Variants in LDAH observed in about 807,000 individuals in gnomAD.
The protein encoded by LDAH is lipid droplet associated hydrolase.
Under a neutral mutation model 29.6 loss-of-function variants are expected in LDAH, and 26 were observed. The observed-to-expected ratio is 0.88, with a 90% CI of 0.64 to 1.22. The LOEUF (loss-of-function observed/expected upper bound fraction) is 1.22, where lower values mean the gene tolerates loss of function less well. Ranked by LOEUF, LDAH falls within the 50% of genes most tolerant of loss-of-function variation. The probability of loss-of-function intolerance (pLI) is 0.00; values close to 1 mark genes in which losing one functional copy is unlikely to be tolerated. For synonymous variants in LDAH, 117 were observed against 133.0 expected, an observed-to-expected ratio of 0.88 and a Z score of 0.83; for missense variants, 344 against 387.3, an observed-to-expected ratio of 0.89 and a Z score of 0.94.
intron 1 of LDAH, among the ~76,000 whole-genome samples, chr2:20,821,344 T>C (rs965144333): frequency 3.9e-4 from 59 of 152,136 alleles, no homozygotes; most frequent in African/African-American, 1.2e-3. Context: ...CTACTTACAA[T>C]AGCAAAGACT....
intron 5 of LDAH, among the ~76,000 whole-genome samples, chr2:20,710,438 T>C (rs575521817): frequency 1.3e-4 from 20 of 151,704 alleles, no homozygotes; most frequent in Admixed American, 3.3e-4. Flanking sequence ...AATTTGTAAT[T>C]TAAAATCTCT....
intron 2 of LDAH, among the ~76,000 whole-genome samples, chr2:20,801,070 C>T (rs938334993): frequency 6.6e-6 from 1 of 150,474 alleles, no homozygotes; most frequent in Admixed American, 6.6e-5. Context: ...ATAGTACATA[C>T]TTCCAACTGT....
intron 3 of LDAH, 25 bp downstream of exon 3, chr2:20,790,230 A>G (rs776776661): frequency 6.2e-7 from 1 of 1,612,968 alleles, no homozygotes; most frequent in East Asian, 2.2e-5. Context: ...ACTCTAAAGG[A>G]AAGTAGATAT....
chr2:20,801,325 T>G lies in LDAH; in HGVS notation c.139A>C (p.Ile47Leu), dbSNP rs1298890971. ...TTACGCTCACCAGGAATAATGAAAA[T>G]AAGCAGCTTAGGCCTTTTGACACTT... The part of the protein sequence containing the change: ...DQSVKRPKLL[I>L]FIIPGNPGFS... Residue 47 changes from isoleucine to leucine, a missense_variant, in exon 2 of 7, where the codon ATT (isoleucine) becomes CTT (leucine). By Grantham distance (5) the Ile-to-Leu change is conservative (BLOSUM62 2). Coordinates refer to ENST00000237822, the MANE Select transcript of LDAH (RefSeq NM_021925.4). The G allele has an allele frequency of 6.2e-7, 1 of 1,613,336 alleles. No homozygotes were observed. Among genetic ancestry groups the G allele is most frequent in the African/African-American group, 1.3e-5 (1 of 74,880 alleles).
chr2:20,685,640 T>C lies in LDAH; in HGVS notation c.*1263A>G, dbSNP rs1662506676. On this transcript the variant is annotated 3_prime_UTR_variant, in exon 7 of 7. Transcript: ENST00000237822. ...TCTCATTGTCCTTAGGGAATGATAA[T>C]GCCATGAGGGATTTCCTCTAGGAGA... 1 of 1,550,218 alleles carries C rather than the reference T, an allele frequency of 6.5e-7. No individual in the cohort carries two copies. The highest frequency in any genetic ancestry group is 1.4e-5 in the African/African-American group (1 of 73,042).
chr2:20,695,681 C>T (rs1187032611), intron 6 of LDAH, among the ~76,000 whole-genome samples: 4 of 152,068 alleles, frequency 2.6e-5, no homozygotes, highest in Non-Finnish European at 5.9e-5. Flanking sequence ...AACTCCTGAC[C>T]TCATGATCCA....
At chr2:20,716,342 G>C (rs915169447) in intron 5 of LDAH, among the ~76,000 whole-genome samples, 4 of 152,028 alleles carry the variant, frequency 2.6e-5, no homozygotes, top group African/African-American at 9.7e-5. Context: ...GTCCATCAAT[G>C]ATAGACTAGA....
At chr2:20,694,214 G>C (rs192601805) in intron 6 of LDAH, among the ~76,000 whole-genome samples, 106 of 152,210 alleles carry the variant, frequency 7.0e-4, no homozygotes, top group African/African-American at 2.4e-3. Context: ...TCCCGGGCTC[G>C]GGATATAAAC....
intron 4 of LDAH, among the ~76,000 whole-genome samples, chr2:20,753,476 T>G (rs187188744): frequency 1.3e-4 from 20 of 152,360 alleles, no homozygotes; most frequent in East Asian, 9.6e-4. Flanking sequence ...TATCTGGATT[T>G]TACAACATAC....
In LDAH at chr2:20,801,282, G is replaced by A. The variant is rs554124006; in HGVS notation, c.154+28C>T. The stretch of plus-strand genomic sequence containing the variant: ...ACATAGTTATGAGTATCTACAAAAA[G>A]TCTCCTCACCCAGACTTTTACGCTC... On this transcript the variant is annotated intron_variant, in intron 2 of 6. Transcript: ENST00000237822. The A allele has an allele frequency of 1.9e-6, 3 of 1,595,370 alleles. No individual in the cohort carries two copies. In the African/African-American group the frequency reaches 4.1e-5, roughly 22 times the overall value.
chr2:20,805,113 A>C (rs1217314205), intron 1 of LDAH, among the ~76,000 whole-genome samples: 1 of 152,224 alleles, frequency 6.6e-6, no homozygotes, highest in Admixed American at 6.5e-5. Flanking sequence ...GTTGTTAAAT[A>C]TATTCAAATC....
rs116751704 is a variant in LDAH at position 20,748,332 on chromosome 2, C to T, written c.469-8127G>A. On this transcript the variant is annotated intron_variant, in intron 4 of 6. Coordinates refer to ENST00000237822, the MANE Select transcript of LDAH (RefSeq NM_021925.4). ...TTTAATACTTTTAATCTTCATGTCA[C>T]GGTTGTTAATAATAAGGAATGTTTG... is the stretch of plus-strand genomic sequence containing the variant. Among the ~76,000 whole-genome samples the T allele has an allele frequency of 4.5e-3, 681 of 152,204 alleles. 7 individuals are homozygous for T. Among genetic ancestry groups the T allele is most frequent in the African/African-American group, 0.015 (641 of 41,518 alleles).
At chr2:20,750,072 C>T (rs1416237644) in intron 4 of LDAH, among the ~76,000 whole-genome samples, 2 of 144,308 alleles carry the variant, frequency 1.4e-5, no homozygotes, top group African/African-American at 5.1e-5. Context: ...GTCGCCCAGA[C>T]TGGAGTGCCA....
chr2:20,750,649 C>A (rs575318769), intron 4 of LDAH, among the ~76,000 whole-genome samples: 3 of 152,342 alleles, frequency 2.0e-5, no homozygotes, highest in Non-Finnish European at 4.4e-5. Flanking sequence ...TAATTAAGCA[C>A]ATTTGTCACC....
intron 1 of LDAH, among the ~76,000 whole-genome samples, chr2:20,821,189 A>G (rs933480002): frequency 1.3e-4 from 20 of 152,218 alleles, no homozygotes; most frequent in African/African-American, 3.4e-4. Flanking sequence ...TAGCTCAACC[A>G]TTGTGGAAGT....
chr2:20,764,513 C>T (rs1210605643), intron 4 of LDAH, among the ~76,000 whole-genome samples: 1 of 152,166 alleles, frequency 6.6e-6, no homozygotes, highest in Non-Finnish European at 1.5e-5. Flanking sequence ...TAATTTCTGC[C>T]CTTGGCCCAG....
chr2:20,715,302 C>T (rs1025308758), intron 5 of LDAH, among the ~76,000 whole-genome samples: 5 of 151,740 alleles, frequency 3.3e-5, no homozygotes, highest in Non-Finnish European at 7.4e-5. Flanking sequence ...TCAATAGATG[C>T]GGAAAAGGCC....
chr2:20,685,495 T>G lies in LDAH; in HGVS notation c.*1408A>C, dbSNP rs1662494397. ...TGGCTTTTCCCCTCTGAGAAGTCAC[T>G]TGCTGTGATGTAGAAGCTATGCCAA... On this transcript the variant is annotated 3_prime_UTR_variant, in exon 7 of 7. Coordinates refer to ENST00000237822, the MANE Select transcript of LDAH (RefSeq NM_021925.4). 20 of 1,538,184 alleles carry G rather than the reference T, an allele frequency of 1.3e-5. No individual in the cohort carries two copies. Among genetic ancestry groups the G allele is most frequent in the Non-Finnish European group, 1.8e-5 (20 of 1,141,072 alleles).
intron 5 of LDAH, among the ~76,000 whole-genome samples, chr2:20,704,065 G>T (rs945361863): frequency 6.6e-6 from 1 of 152,204 alleles, no homozygotes; most frequent in Non-Finnish European, 1.5e-5. Flanking sequence ...CTGATAAGGG[G>T]ATGTGTGAAC....
Sources: allele counts gnomAD v4.1 joint callset (sites outside exome capture counted in the v4.1 genomes callset), GRCh38; gene constraint gnomAD v4.1.1; transcripts MANE v1.5; gene names NCBI Gene and HGNC (gene_info 2026-07-23, HGNC 2026-07-21).